Variants in TMEM132D observed in about 807,000 individuals in gnomAD.
TMEM132D encodes mature OL transmembrane protein.
Under a neutral mutation model 62.3 loss-of-function variants are expected in TMEM132D, and 21 were observed. The ratio of observed to expected loss-of-function variants is 0.34; its 90% confidence interval spans 0.24 to 0.49. The LOEUF (loss-of-function observed/expected upper bound fraction) is 0.49. Ranked by LOEUF, TMEM132D falls within the 20% of genes least tolerant of loss-of-function variation. TMEM132D has a pLI of 0.99. For synonymous variants in TMEM132D, 621 were observed against 575.6 expected (o/e 1.08, Z -1.13); for missense variants, 1,346 against 1,402.8 (o/e 0.96, Z 0.65).
intron 3 of TMEM132D, among the ~76,000 whole-genome samples, chr12:129,387,190 C>T (rs140002114): frequency 6.7e-6 from 1 of 148,742 alleles, no homozygotes; most frequent in East Asian, 1.9e-4. Context: ...CTAACTCCAA[C>T]ACCAACACTA....
At chr12:129,158,393 A>T (rs1452109448) in intron 5 of TMEM132D, among the ~76,000 whole-genome samples, 1 of 150,846 alleles carries the variant, frequency 6.6e-6, no homozygotes, top group Non-Finnish European at 1.5e-5. Flanking sequence ...GAGAAAAAAA[A>T]AATAATGCAT....
chr12:129,660,233 T>C (rs937207126), intron 2 of TMEM132D, among the ~76,000 whole-genome samples: 3 of 151,924 alleles, frequency 2.0e-5, no homozygotes, highest in African/African-American at 4.8e-5. Context: ...AATAAACAAA[T>C]GGGGAAGGCA....
intron 2 of TMEM132D, among the ~76,000 whole-genome samples, chr12:129,677,696 A>G (rs376003976): frequency 2.6e-5 from 4 of 152,294 alleles, no homozygotes; most frequent in African/African-American, 9.6e-5. Flanking sequence ...GGACAACAAT[A>G]AACATCCCAT....
At chr12:129,287,861 C>T (rs893821581) in intron 4 of TMEM132D, among the ~76,000 whole-genome samples, 9 of 152,152 alleles carry the variant, frequency 5.9e-5, no homozygotes, top group East Asian at 1.9e-4. Context: ...ACTGTACATG[C>T]GTGTATTTAT....
chr12:129,508,778 A>G (rs1055712386), intron 3 of TMEM132D, among the ~76,000 whole-genome samples: 2 of 152,194 alleles, frequency 1.3e-5, no homozygotes, highest in Admixed American at 6.5e-5. Flanking sequence ...TATTAAAAAA[A>G]TGAGTGGTGA....
chr12:129,712,633 A>C (rs1329191556), intron 1 of TMEM132D, among the ~76,000 whole-genome samples: 1 of 152,138 alleles, frequency 6.6e-6, no homozygotes, highest in Non-Finnish European at 1.5e-5. Context: ...GCTACCAAGA[A>C]ACTGACTTTT....
chr12:129,466,474 T>A (rs1179638346), intron 3 of TMEM132D, among the ~76,000 whole-genome samples: 1 of 152,036 alleles, frequency 6.6e-6, no homozygotes, highest in Non-Finnish European at 1.5e-5. Context: ...CACGCACTAC[T>A]GTGCCTGGCA....
chr12:129,227,835 G>A (rs1211483391), intron 4 of TMEM132D, among the ~76,000 whole-genome samples: 1 of 152,054 alleles, frequency 6.6e-6, no homozygotes, highest in Non-Finnish European at 1.5e-5. Context: ...ACCTATGAGT[G>A]AGAATATGCG....
chr12:129,513,871 T>C (rs1168612266), intron 3 of TMEM132D, among the ~76,000 whole-genome samples: 1 of 149,836 alleles, frequency 6.7e-6, no homozygotes, highest in Non-Finnish European at 1.5e-5. Flanking sequence ...GGAGTCTCGC[T>C]CTGTCGCCCA....
chr12:129,402,772 G>A (rs1218129642), intron 3 of TMEM132D, among the ~76,000 whole-genome samples: 1 of 151,958 alleles, frequency 6.6e-6, no homozygotes, highest in African/African-American at 2.4e-5. Context: ...ATGGGTGAGG[G>A]GTCTGGTGGG....
chr12:129,328,458 C>G (rs887583310), intron 4 of TMEM132D, among the ~76,000 whole-genome samples: 11 of 152,178 alleles, frequency 7.2e-5, no homozygotes, highest in Non-Finnish European at 1.6e-4. Context: ...CGGTGAGCAA[C>G]AAAAGCAATA....
At chr12:129,385,443 C>T (rs1302159595) in intron 3 of TMEM132D, among the ~76,000 whole-genome samples, 3 of 152,050 alleles carry the variant, frequency 2.0e-5, no homozygotes, top group African/African-American at 7.2e-5. Context: ...TATACATTTA[C>T]TAGGACACTT....
intron 2 of TMEM132D, among the ~76,000 whole-genome samples, chr12:129,561,363 T>C (rs1877222408): frequency 6.6e-6 from 1 of 152,214 alleles, no homozygotes; most frequent in South Asian, 2.1e-4. Flanking sequence ...TGCTTTTCAC[T>C]TGGCAACAGA....
intron 4 of TMEM132D, among the ~76,000 whole-genome samples, chr12:129,269,741 C>T (rs1319173484): frequency 6.6e-6 from 1 of 152,180 alleles, no homozygotes; most frequent in African/African-American, 2.4e-5. Flanking sequence ...TCCGCTCCAG[C>T]TCACTTGCAT....
chr12:129,503,975 C>T (rs1342871661), intron 3 of TMEM132D, among the ~76,000 whole-genome samples: 5 of 147,088 alleles, frequency 3.4e-5, no homozygotes, highest in East Asian at 4.1e-4. Flanking sequence ...ATCATCATCA[C>T]TATTGTCATC....
intron 3 of TMEM132D, among the ~76,000 whole-genome samples, chr12:129,406,190 A>G (rs1871777873): frequency 6.6e-6 from 1 of 152,230 alleles, no homozygotes; most frequent in Non-Finnish European, 1.5e-5. Context: ...GTTTGTATAC[A>G]TTCACCAAGT....
chr12:129,469,505 T>C (rs1315672112), intron 3 of TMEM132D, among the ~76,000 whole-genome samples: 2 of 152,186 alleles, frequency 1.3e-5, no homozygotes, highest in African/African-American at 4.8e-5. Context: ...ACCTCTCCTA[T>C]AGGGTAACTG....
At chr12:129,881,569 T>G (rs1874596667) in intron 1 of TMEM132D, among the ~76,000 whole-genome samples, 1 of 151,886 alleles carries the variant, frequency 6.6e-6, no homozygotes, top group Non-Finnish European at 1.5e-5. Flanking sequence ...CCCAAACATC[T>G]GAAAATTTAT....
intron 5 of TMEM132D, among the ~76,000 whole-genome samples, chr12:129,149,144 G>A (rs965885992): frequency 5.3e-5 from 8 of 150,754 alleles, no homozygotes; most frequent in African/African-American, 1.7e-4. Context: ...ACCAAACACC[G>A]CACGTTCTCA....
Sources: gnomAD v4.1 joint callset for allele counts (sites outside exome capture counted in the v4.1 genomes callset) on GRCh38, gnomAD v4.1.1 for gene constraint, MANE v1.5 for transcripts, NCBI Gene and HGNC (gene_info 2026-07-23, HGNC 2026-07-21) for gene names.